TBC1D5: variants seen among roughly 807,000 people sequenced by gnomAD.
TBC1D5 encodes TBC1 domain family member 5.
In TBC1D5, 75 loss-of-function variants were observed where a neutral mutation model predicts 100.3. That is an observed-to-expected ratio of 0.75 (90% CI 0.62 to 0.91). The LOEUF is 0.91. Ranked by LOEUF, TBC1D5 falls within the 40% of genes least tolerant of loss-of-function variation. The pLI is 0.00. For missense variants in TBC1D5, 910 were observed against 942.4 expected (o/e 0.97, Z 0.45); for synonymous variants, 323 against 325.6 (o/e 0.99, Z 0.09).
chr3:17,658,896 G>A (rs1560397186), intron 1 of TBC1D5, among the ~76,000 whole-genome samples: 1 of 152,288 alleles, frequency 6.6e-6, no homozygotes, highest in East Asian at 1.9e-4. Flanking sequence ...GATCTCAGGT[G>A]ATCCACCCGC....
chr3:17,257,638 T>C (rs539662353), intron 16 of TBC1D5, among the ~76,000 whole-genome samples: 51 of 152,310 alleles, frequency 3.3e-4, no homozygotes, highest in African/African-American at 1.1e-3. Context: ...AATTTAGCCA[T>C]TTTGTTGTAA....
intron 17 of TBC1D5, among the ~76,000 whole-genome samples, chr3:17,234,048 C>CAA (rs2075660605): frequency 6.6e-6 from 1 of 152,062 alleles, no homozygotes; most frequent in Non-Finnish European, 1.5e-5. Context: ...CATGATGCTA[C>CAA]AAATATTAGT....
rs754841258 is a variant in TBC1D5 at position 17,166,826 on chromosome 3, C to T, written c.2035G>A (p.Gly679Ser). Residue 679 changes from glycine (G) to serine (S), a missense_variant, in exon 21 of 22, where the codon GGC becomes AGC. Transcript: ENST00000253692. ...CCTTGGCCTCGGCCCTGGCCCTGGCCGCTGGAGCAGTAGTGGTTGTCCGCA... is the reference window on the plus strand; with the variant it reads ...CCTTGGCCTCGGCCCTGGCCCTGGCTGCTGGAGCAGTAGTGGTTGTCCGCA... The T allele has an allele frequency of 6.5e-5, 105 of 1,614,044 alleles. No individual in the cohort carries two copies. Among genetic ancestry groups the T allele is most frequent in the Non-Finnish European group, 8.1e-5 (96 of 1,180,040 alleles).
chr3:17,495,539 C>T (rs1452717285), intron 3 of TBC1D5, among the ~76,000 whole-genome samples: 3 of 152,186 alleles, frequency 2.0e-5, no homozygotes, highest in Non-Finnish European at 4.4e-5. Context: ...ACTTGGTTGA[C>T]AGCACATCAC....
intron 13 of TBC1D5, among the ~76,000 whole-genome samples, chr3:17,355,990 T>C (rs2091181368): frequency 6.6e-6 from 1 of 152,136 alleles, no homozygotes; most frequent in Non-Finnish European, 1.5e-5. Flanking sequence ...AATGTGTAAC[T>C]TGTTACAATG....
At chr3:17,639,128 T>G (rs2064253916) in intron 1 of TBC1D5, among the ~76,000 whole-genome samples, 1 of 152,132 alleles carries the variant, frequency 6.6e-6, no homozygotes, top group East Asian at 1.9e-4. Context: ...GTCCGTGGAA[T>G]GGACTGACAG....
intron 1 of TBC1D5, among the ~76,000 whole-genome samples, chr3:17,691,826 C>CA (rs1273079675): frequency 5.8e-3 from 337 of 58,502 alleles, no homozygotes; most frequent in Middle Eastern, 0.012. Context: ...TCCGTCTCAA[C>CA]AAAAAAAAAA....
At chr3:17,417,766 C>T (rs1282475165) in intron 4 of TBC1D5, among the ~76,000 whole-genome samples, 1 of 152,170 alleles carries the variant, frequency 6.6e-6, no homozygotes. Context: ...GGAATCGCCA[C>T]ACTGACTTCC....
chr3:17,665,330 CAG>C (rs2067143822), intron 1 of TBC1D5, among the ~76,000 whole-genome samples: 2 of 152,190 alleles, frequency 1.3e-5, no homozygotes, highest in African/African-American at 4.8e-5. Flanking sequence ...TACTTTGACT[CAG>C]TGTCTCGCTC....
At chr3:17,666,547 T>C (rs1316336103) in intron 1 of TBC1D5, among the ~76,000 whole-genome samples, 13 of 152,214 alleles carry the variant, frequency 8.5e-5, no homozygotes, top group Non-Finnish European at 1.8e-4. Context: ...ATATTGTATA[T>C]TGATACTTAT....
chr3:17,401,375 ATATG>A (rs1207166089), intron 8 of TBC1D5, among the ~76,000 whole-genome samples: 2 of 41,090 alleles, frequency 4.9e-5, no homozygotes, highest in East Asian at 4.5e-4. Flanking sequence ...TATAATATAC[ATATG>A]TATATGTATA....
chr3:17,390,012 C>T (rs1428525461), intron 8 of TBC1D5, among the ~76,000 whole-genome samples: 1 of 152,002 alleles, frequency 6.6e-6, no homozygotes, highest in Non-Finnish European at 1.5e-5. Flanking sequence ...TTTTAAAAAT[C>T]TTATTGATTT....
chr3:17,239,234 A>G (rs899971836), intron 16 of TBC1D5, among the ~76,000 whole-genome samples: 1 of 152,172 alleles, frequency 6.6e-6, no homozygotes, highest in East Asian at 1.9e-4. Flanking sequence ...AGCAGCATCT[A>G]CCCATAGTCC....
At chr3:17,285,578 T>G (rs1381726696) in intron 15 of TBC1D5, among the ~76,000 whole-genome samples, 1 of 152,132 alleles carries the variant, frequency 6.6e-6, no homozygotes, top group African/African-American at 2.4e-5. Context: ...GATTCTTTAT[T>G]GCTCAGAAAG....
intron 1 of TBC1D5, among the ~76,000 whole-genome samples, chr3:17,664,282 G>A (rs2066987681): frequency 6.6e-6 from 1 of 152,186 alleles, no homozygotes; most frequent in African/African-American, 2.4e-5. Context: ...ATATTGGCCA[G>A]GATGGTCTCA....
chr3:17,532,420 C>G (rs2096239302), intron 2 of TBC1D5, among the ~76,000 whole-genome samples: 1 of 152,144 alleles, frequency 6.6e-6, no homozygotes, highest in South Asian at 2.1e-4. Context: ...TTGTGGAAGT[C>G]AGTGTGGCGA....
chr3:17,594,525 G>A (rs1234992745), intron 2 of TBC1D5, among the ~76,000 whole-genome samples: 1 of 152,226 alleles, frequency 6.6e-6, no homozygotes, highest in East Asian at 1.9e-4. Context: ...GTGACCAGCT[G>A]TAGAAACATG....
At chr3:17,400,488 A>C (rs764482900) in intron 8 of TBC1D5, among the ~76,000 whole-genome samples, 9 of 152,152 alleles carry the variant, frequency 5.9e-5, no homozygotes, top group Non-Finnish European at 1.2e-4. Context: ...AGAAATGACA[A>C]GGAGACTTAA....
chr3:17,414,341 T>TA (rs2094009810), intron 4 of TBC1D5, among the ~76,000 whole-genome samples: 4 of 152,314 alleles, frequency 2.6e-5, no homozygotes, highest in African/African-American at 9.6e-5. Context: ...AATTGCCATA[T>TA]TTAGTATGAT....
Sources: gnomAD v4.1 joint callset for allele counts (sites outside exome capture counted in the v4.1 genomes callset) on GRCh38, gnomAD v4.1.1 for gene constraint, MANE v1.5 for transcripts, NCBI Gene and HGNC (gene_info 2026-07-23, HGNC 2026-07-21) for gene names.